PKP4: variants seen among roughly 807,000 people sequenced by gnomAD.
The protein encoded by PKP4 is plakophilin-4.
In PKP4, 90 loss-of-function variants were observed where a neutral mutation model predicts 145.1. That is an observed-to-expected ratio of 0.62 (90% CI 0.52 to 0.74). The LOEUF is 0.74. Among genes scored for constraint, PKP4 ranks in the 30% least tolerant of loss-of-function variants. PKP4 has a pLI of 0.00. For synonymous variants in PKP4, 563 were observed against 577.2 expected, an observed-to-expected ratio of 0.98 and a Z score of 0.35; for missense variants, 1,340 against 1,482.7, an observed-to-expected ratio of 0.90 and a Z score of 1.58.
intron 3 of PKP4, among the ~76,000 whole-genome samples, chr2:158,596,315 G>T (rs951435763): frequency 1.3e-5 from 2 of 152,118 alleles, no homozygotes; most frequent in Non-Finnish European, 2.9e-5. Flanking sequence ...ATCTGTAAAC[G>T]TGGGCGTTTT....
Position 158,554,202 on chromosome 2 carries a change from C to T in PKP4, c.132+20886C>T, listed in dbSNP as rs184760949. Among the ~76,000 whole-genome samples, 541 of 150,162 alleles carry T rather than the reference C, an allele frequency of 3.6e-3. 7 individuals are homozygous for T. Among genetic ancestry groups the T allele is most frequent in the Non-Finnish European group, 2.8e-3 (186 of 66,636 alleles). Reference sequence around the variant, plus strand: ...ACATTCAGTAGCCTTCTGGCACTCACTGTCATTCGCTGAAGATTCAGCTCA... The same window carrying T: ...ACATTCAGTAGCCTTCTGGCACTCATTGTCATTCGCTGAAGATTCAGCTCA... On this transcript the variant is annotated intron_variant, in intron 2 of 21. Transcript: ENST00000389759.
chr2:158,537,751 G>T (rs2044174714), intron 2 of PKP4, among the ~76,000 whole-genome samples: 1 of 152,108 alleles, frequency 6.6e-6, no homozygotes, highest in Non-Finnish European at 1.5e-5. Flanking sequence ...TACAGCGCTG[G>T]GCATGGTGGT....
intron 5 of PKP4, 24 bp downstream of exon 5, chr2:158,621,145 A>G (rs532278134): frequency 1.2e-6 from 2 of 1,613,962 alleles, no homozygotes; most frequent in Admixed American, 3.3e-5. Context: ...TCTTTTAAGT[A>G]CTGGATTTGC....
rs373216141 is a variant in PKP4, at chr2:158,607,587, G to C, written c.280+4483G>C. 4.8e-4 allele frequency among the ~76,000 whole-genome samples: 73 copies of C among 152,164 alleles called. 4 individuals are homozygous for C. In the South Asian group the frequency reaches 0.014, roughly 30 times the overall value. The stretch of plus-strand genomic sequence containing the variant: ...AGCAGTGGGAGGGGCTTCAGACGGG[G>C]AGATTTCCAGCATTAGGTGAAACCA... On this transcript the variant is annotated intron_variant, in intron 4 of 21. Transcript: ENST00000389759.
At chr2:158,666,847 G>A (rs981184174) in intron 16 of PKP4, among the ~76,000 whole-genome samples, 2 of 152,186 alleles carry the variant, frequency 1.3e-5, no homozygotes, top group Non-Finnish European at 2.9e-5. Context: ...TCATTTCTAA[G>A]AGAGTTCTCT....
chr2:158,510,581 C>A (rs146526485), intron 1 of PKP4, among the ~76,000 whole-genome samples: 1 of 152,144 alleles, frequency 6.6e-6, no homozygotes, highest in Non-Finnish European at 1.5e-5. Context: ...TTGCAAAGTG[C>A]CTGTGTGTCA....
At chr2:158,580,186 C>G (rs1344734261) in intron 3 of PKP4, among the ~76,000 whole-genome samples, 1 of 152,120 alleles carries the variant, frequency 6.6e-6, no homozygotes, top group African/African-American at 2.4e-5. Flanking sequence ...AATTTTAAGG[C>G]TATATCGTTC....
In PKP4 at chr2:158,533,168, G is replaced by A. The variant is rs1466775908; in HGVS notation, c.-5-12G>A. 4 of 1,605,050 alleles carry A rather than the reference G, an allele frequency of 2.5e-6. No homozygotes were observed. Among genetic ancestry groups the A allele is most frequent in the Non-Finnish European group, 3.4e-6 (4 of 1,176,326 alleles). The stretch of plus-strand genomic sequence containing the variant: ...AGAAGAAAGTGTTAACCCTTTGCCT[G>A]CTTGATTGCAGGAGGAATGCCAGCT... On this transcript the variant is annotated splice_polypyrimidine_tract_variant and intron_variant, in intron 1 of 21. Coordinates refer to ENST00000389759, the MANE Select transcript of PKP4 (RefSeq NM_003628.6).
chr2:158,673,774 A>AT lies in PKP4; in HGVS notation c.3009+13_3009+14insT. ...CATTTATAAAAAGGTAACCTACAAG[A>AT]ATAGCTCTGGCATAATTAGCATTCA... On this transcript the variant is annotated intron_variant, in intron 18 of 21. Coordinates refer to ENST00000389759, the MANE Select transcript of PKP4 (RefSeq NM_003628.6). 1 of 1,566,306 alleles carries AT rather than the reference A, an allele frequency of 6.4e-7. No homozygotes were observed.
At chr2:158,655,453 A>T (rs1365094386) in intron 11 of PKP4, among the ~76,000 whole-genome samples, 3 of 152,244 alleles carry the variant, frequency 2.0e-5, no homozygotes, top group Non-Finnish European at 4.4e-5. Flanking sequence ...ATTTCTAGGC[A>T]TCAACTCCAG....
intron 3 of PKP4, among the ~76,000 whole-genome samples, chr2:158,584,475 AT>A (rs2048626354): frequency 6.6e-6 from 1 of 152,150 alleles, no homozygotes. Context: ...CTGTGTTCAC[AT>A]TTCACGCAAG....
rs556044482 is a variant in PKP4 at position 158,653,982 on chromosome 2, C to T, written c.1910-4149C>T. 5.3e-5 allele frequency among the ~76,000 whole-genome samples: 8 copies of T among 152,240 alleles called. 1 individual carries two copies. The highest frequency in any genetic ancestry group is 3.9e-4 in the East Asian group (2 of 5,184). On this transcript the variant is annotated intron_variant, in intron 11 of 21. Transcript: ENST00000389759. ...TCGAGCACACACAGGTGTTATTAGCCGGTCTTAAGAGAGGTGCTTTTTACT... is the reference window on the plus strand; with the variant it reads ...TCGAGCACACACAGGTGTTATTAGCTGGTCTTAAGAGAGGTGCTTTTTACT...
At chr2:158,619,932 C>G (rs2052032994) in intron 4 of PKP4, among the ~76,000 whole-genome samples, 1 of 151,072 alleles carries the variant, frequency 6.6e-6, no homozygotes, top group African/African-American at 2.4e-5. Flanking sequence ...TTCCCCCAGA[C>G]ACACACACAC....
At chr2:158,509,840 G>A (rs1032055504) in intron 1 of PKP4, among the ~76,000 whole-genome samples, 4 of 151,968 alleles carry the variant, frequency 2.6e-5, no homozygotes, top group Non-Finnish European at 2.9e-5. Flanking sequence ...CCAGCTACTC[G>A]GGAGGCTGAG....
chr2:158,676,040 G>A (rs893401567), intron 19 of PKP4, among the ~76,000 whole-genome samples: 8 of 152,070 alleles, frequency 5.3e-5, no homozygotes, highest in Non-Finnish European at 8.8e-5. Context: ...GGATAGATAC[G>A]GTGTTACTAG....
At chr2:158,462,110 A>G (rs1689861095) in intron 1 of PKP4, among the ~76,000 whole-genome samples, 1 of 152,236 alleles carries the variant, frequency 6.6e-6, no homozygotes, top group South Asian at 2.1e-4. Flanking sequence ...TCAGTTTACA[A>G]ATAGACTTTT....
At chr2:158,663,114 T>G in intron 14 of PKP4, 26 bp downstream of exon 14, 1 of 1,563,492 alleles carries the variant, frequency 6.4e-7, no homozygotes, top group Non-Finnish European at 8.7e-7. Flanking sequence ...TATATGAGAC[T>G]CTCAAGTTTA....
chr2:158,583,464 A>G (rs919141960), intron 3 of PKP4, among the ~76,000 whole-genome samples: 1 of 152,240 alleles, frequency 6.6e-6, no homozygotes, highest in Admixed American at 6.5e-5. Flanking sequence ...TCAGGAAAGT[A>G]TAAAGAGAAA....
chr2:158,503,563 C>T (rs1696891399), intron 1 of PKP4, among the ~76,000 whole-genome samples: 1 of 152,116 alleles, frequency 6.6e-6, no homozygotes, highest in Non-Finnish European at 1.5e-5. Flanking sequence ...GTTTTCAAAA[C>T]TTAAGATCTT....
Sources: allele counts gnomAD v4.1 joint callset (sites outside exome capture counted in the v4.1 genomes callset), GRCh38; gene constraint gnomAD v4.1.1; transcripts MANE v1.5; gene names NCBI Gene and HGNC (gene_info 2026-07-23, HGNC 2026-07-21).